EVI5: variants seen among roughly 807,000 people sequenced by gnomAD.
EVI5 encodes ecotropic viral integration site 5, also known as ecotropic viral integration site 5 protein homolog.
In EVI5, 73 loss-of-function variants were observed where a neutral mutation model predicts 112.0. The ratio of observed to expected loss-of-function variants is 0.65; its 90% confidence interval spans 0.54 to 0.79. The LOEUF is 0.79. EVI5 is among the 30% of genes least tolerant of loss of function. The pLI is 0.00. For missense variants in EVI5, 900 were observed against 968.8 expected (o/e 0.93, Z 0.94); for synonymous variants, 305 against 319.9 (o/e 0.95, Z 0.50).
chr1:92,749,771 T>C (rs1679890285), intron 1 of EVI5, among the ~76,000 whole-genome samples: 1 of 152,166 alleles, frequency 6.6e-6, no homozygotes, highest in African/African-American at 2.4e-5. Flanking sequence ...TTGCCAAGCA[T>C]TCGAAGAGTC....
At chr1:92,696,643 GA>G (rs35579313) in intron 6 of EVI5, among the ~76,000 whole-genome samples, 276 of 135,820 alleles carry the variant, frequency 2.0e-3, no homozygotes, top group Middle Eastern at 7.7e-3. Context: ...TCTGTCTCAG[GA>G]AAAAAAAAAA....
At chr1:92,641,341 A>G (rs1162536398) in intron 13 of EVI5, among the ~76,000 whole-genome samples, 1 of 152,220 alleles carries the variant, frequency 6.6e-6, no homozygotes, top group Non-Finnish European at 1.5e-5. Context: ...TTTCATAGGT[A>G]GGTTAGCAAA....
chr1:92,680,074 T>C (rs919978455), intron 9 of EVI5, among the ~76,000 whole-genome samples: 1 of 152,236 alleles, frequency 6.6e-6, no homozygotes, highest in Admixed American at 6.5e-5. Context: ...GTTCTTTCTA[T>C]GGCCAGTTTC....
chr1:92,627,071 GTTC>G (rs1655834890), intron 14 of EVI5, among the ~76,000 whole-genome samples: 2 of 152,154 alleles, frequency 1.3e-5, no homozygotes. Flanking sequence ...ACATGAGTAA[GTTC>G]TTTAGTGGTG....
At chr1:92,609,713 C>T (rs115575692) in intron 16 of EVI5, among the ~76,000 whole-genome samples, 3,044 of 152,044 alleles carry the variant, frequency 0.02, 54 homozygotes, top group Non-Finnish European at 0.029. Flanking sequence ...ACCTACTTTA[C>T]CTCGCCCTAT....
intron 18 of EVI5, among the ~76,000 whole-genome samples, chr1:92,569,849 T>C (rs547782310): frequency 2.6e-5 from 2 of 77,808 alleles, no homozygotes; most frequent in African/African-American, 5.6e-5. Flanking sequence ...GGAGACTCCA[T>C]CTCAAAAAAA....
At chr1:92,654,211 C>T (rs1389978460) in intron 13 of EVI5, among the ~76,000 whole-genome samples, 1 of 152,136 alleles carries the variant, frequency 6.6e-6, no homozygotes, top group Non-Finnish European at 1.5e-5. Flanking sequence ...AAGCACCTGT[C>T]CATCTGCTTC....
chr1:92,614,878 A>ATATATATT (rs1553205631), intron 16 of EVI5, among the ~76,000 whole-genome samples: 1 of 2,564 alleles, frequency 3.9e-4, no homozygotes, highest in Admixed American at 5.3e-3. Flanking sequence ...ATATATATAT[A>ATATATATT]TATATATCTC....
chr1:92,527,049 T>A (rs1661999069), intron 19 of EVI5, among the ~76,000 whole-genome samples: 1 of 152,168 alleles, frequency 6.6e-6, no homozygotes, highest in Non-Finnish European at 1.5e-5. Flanking sequence ...ATGTTCAGTG[T>A]TTTTTTCCTA....
chr1:92,509,044 T>C lies in EVI5; in HGVS notation c.*4612A>G, dbSNP rs959839383. ...AGCTAAAACTCATTGTTTTGGTAAG[T>C]AAATAACTGATTTCATGAAATGTTC... On this transcript the variant is annotated 3_prime_UTR_variant, in exon 20 of 20. Coordinates refer to ENST00000684568, the MANE Select transcript of EVI5 (RefSeq NM_001350197.2). The C allele has an allele frequency of 6.6e-6, 1 of 152,230 alleles. No homozygotes were observed. The highest frequency in any genetic ancestry group is 2.4e-5 in the African/African-American group (1 of 41,464). 9.4% of individuals were successfully genotyped at this position (152,230 alleles called of 1,614,324 possible).
chr1:92,715,096 C>A (rs1450639588), intron 2 of EVI5, among the ~76,000 whole-genome samples: 2 of 152,024 alleles, frequency 1.3e-5, no homozygotes, highest in Non-Finnish European at 2.9e-5. Flanking sequence ...ACCTCCGCCT[C>A]CCAGGTTCAA....
intron 5 of EVI5, among the ~76,000 whole-genome samples, chr1:92,698,706 G>A (rs774810666): frequency 2.6e-5 from 4 of 152,146 alleles, no homozygotes; most frequent in Non-Finnish European, 5.9e-5. Context: ...TAAGGATTTC[G>A]ACTTTTACCT....
At chr1:92,556,982 A>C (rs762177472) in intron 19 of EVI5, among the ~76,000 whole-genome samples, 2 of 152,018 alleles carry the variant, frequency 1.3e-5, no homozygotes, top group Non-Finnish European at 2.9e-5. Flanking sequence ...TGTCTATATA[A>C]ACATTTTCTA....
At position 92,697,805 on chromosome 1, in the gene EVI5, C is replaced by T. The variant is rs938110420; in HGVS notation, c.765+55G>A. 12 of 1,458,374 alleles carry T rather than the reference C, an allele frequency of 8.2e-6. No homozygotes were observed. The Admixed American group carries it at 9.5e-5, about 12-fold the overall frequency. 90.3% of individuals were successfully genotyped at this position (1,458,374 alleles called of 1,614,324 possible). On this transcript the variant is annotated intron_variant, in intron 6 of 19. Coordinates refer to ENST00000684568, the MANE Select transcript of EVI5 (RefSeq NM_001350197.2). ...AAATTTGCTTAGTTGGCACTCAGAA[C>T]AAGATATAAAAAATATAAAGGCAAT... is the stretch of plus-strand genomic sequence containing the variant.
At chr1:92,616,023 TA>T (rs1309388090) in intron 16 of EVI5, among the ~76,000 whole-genome samples, 4 of 152,134 alleles carry the variant, frequency 2.6e-5, no homozygotes, top group Non-Finnish European at 5.9e-5. Flanking sequence ...CTTGGGGAGT[TA>T]AAAAAGGTTC....
chr1:92,696,989 G>A (rs1463679737), intron 6 of EVI5, among the ~76,000 whole-genome samples: 2 of 152,010 alleles, frequency 1.3e-5, no homozygotes, highest in African/African-American at 4.8e-5. Flanking sequence ...GCAGTGAGCC[G>A]ACACCACGCC....
At chr1:92,573,909 C>T (rs1370758167) in intron 18 of EVI5, among the ~76,000 whole-genome samples, 5 of 151,990 alleles carry the variant, frequency 3.3e-5, no homozygotes, top group African/African-American at 1.2e-4. Flanking sequence ...AAAGAAAACC[C>T]AAACATTTGG....
intron 1 of EVI5, among the ~76,000 whole-genome samples, chr1:92,782,273 A>G (rs905732042): frequency 6.6e-6 from 1 of 152,006 alleles, no homozygotes; most frequent in Non-Finnish European, 1.5e-5. Context: ...CAAACAAACA[A>G]AAAACACACA....
intron 2 of EVI5, among the ~76,000 whole-genome samples, chr1:92,734,116 C>T (rs2102793880): frequency 6.6e-6 from 1 of 152,298 alleles, no homozygotes; most frequent in Middle Eastern, 3.4e-3. Context: ...GATGTATATA[C>T]ATTAATTGTA....
Sources: gnomAD v4.1 joint callset for allele counts (sites outside exome capture counted in the v4.1 genomes callset) on GRCh38, gnomAD v4.1.1 for gene constraint, MANE v1.5 for transcripts, NCBI Gene and HGNC (gene_info 2026-07-23, HGNC 2026-07-21) for gene names.